Variants in ZBTB41 observed in about 807,000 individuals in gnomAD.
ZBTB41 encodes zinc finger and BTB domain containing 41.
ZBTB41 carries 42 observed loss-of-function variants against 87.6 expected under a neutral mutation model. The observed-to-expected ratio is 0.48, with a 90% CI of 0.37 to 0.62. The LOEUF (loss-of-function observed/expected upper bound fraction) is 0.62. Among genes scored for constraint, ZBTB41 ranks in the 20% least tolerant of loss-of-function variants. The pLI is 0.00. For synonymous variants in ZBTB41, 364 were observed against 364.0 expected, an observed-to-expected ratio of 1.00 and a Z score of 0.00; for missense variants, 799 against 1,078.9, an observed-to-expected ratio of 0.74 and a Z score of 3.63.
intron 10 of ZBTB41, among the ~76,000 whole-genome samples, chr1:197,170,736 C>G (rs975112436): frequency 2.0e-5 from 3 of 152,124 alleles, no homozygotes; most frequent in African/African-American, 4.8e-5. Context: ...AGGCATGCTT[C>G]ATCTGTTTAC....
At chr1:197,180,850 T>G in intron 6 of ZBTB41, 138 bp downstream of exon 6, 1 of 973,016 alleles carries the variant, frequency 1.0e-6, no homozygotes, top group Non-Finnish European at 1.4e-6. Flanking sequence ...TGTAATTCCT[T>G]TTTTCCTTAT....
Position 197,191,757 on chromosome 1 carries a change from C to T in ZBTB41, c.1263G>A (p.Glu421=), listed in dbSNP as rs752381736. ...GTTTATTACAATAAGGGCACTTGTG[C>T]TCCTTCTTATGAAATTCTGTTTCAT... is the stretch of plus-strand genomic sequence containing the variant. ...HSNETEFHKK[E]HKCPYCNKLH... is the part of the protein sequence containing the mutation. The change falls in exon 3 of 11, where the codon GAG becomes GAA. Residue 421 remains glutamate (E), a synonymous_variant. Transcript: ENST00000367405. The T allele has an allele frequency of 6.2e-7, 1 of 1,613,768 alleles. No homozygotes were observed. Among genetic ancestry groups the T allele is most frequent in the East Asian group, 2.2e-5 (1 of 44,858 alleles).
intron 5 of ZBTB41, among the ~76,000 whole-genome samples, chr1:197,182,456 C>T (rs1659769322): frequency 6.6e-6 from 1 of 151,146 alleles, no homozygotes; most frequent in Admixed American, 6.6e-5. Context: ...TTTATTTTTT[C>T]TATATAGACA....
chr1:197,181,573 G>T (rs547686231), intron 5 of ZBTB41, among the ~76,000 whole-genome samples: 199 of 152,206 alleles, frequency 1.3e-3, no homozygotes, highest in African/African-American at 4.6e-3. Flanking sequence ...ATTTCACTAT[G>T]ATTTTACCAA....
intron 10 of ZBTB41, among the ~76,000 whole-genome samples, chr1:197,162,754 T>C (rs759861274): frequency 3.3e-5 from 5 of 152,222 alleles, no homozygotes; most frequent in Non-Finnish European, 5.9e-5. Context: ...AGTATAGAGG[T>C]GCTTTCTTTT....
intron 10 of ZBTB41, among the ~76,000 whole-genome samples, chr1:197,163,248 G>A (rs4350226): frequency 0.81 from 123,096 of 152,084 alleles, 51,749 homozygotes; most frequent in East Asian, 1. Flanking sequence ...CATCTTCAAG[G>A]GCTTCTGTAA....
intron 10 of ZBTB41, among the ~76,000 whole-genome samples, chr1:197,168,852 C>T (rs1366451054): frequency 2.6e-5 from 4 of 151,734 alleles, no homozygotes; most frequent in Admixed American, 6.6e-5. Flanking sequence ...TATATATATC[C>T]GGAATGTAGA....
At chr1:197,169,710 A>G (rs540284444) in intron 10 of ZBTB41, among the ~76,000 whole-genome samples, 51 of 152,052 alleles carry the variant, frequency 3.4e-4, no homozygotes, top group Non-Finnish European at 7.2e-4. Context: ...CTTCAATAAA[A>G]AAAAGCTTAC....
chr1:197,166,706 G>T (rs1369258687), intron 10 of ZBTB41, among the ~76,000 whole-genome samples: 3 of 151,878 alleles, frequency 2.0e-5, no homozygotes, highest in African/African-American at 7.3e-5. Flanking sequence ...AATTAGCCGG[G>T]TGTGGAGGCT....
chr1:197,167,561 A>C (rs1239217915), intron 10 of ZBTB41, among the ~76,000 whole-genome samples: 2 of 152,208 alleles, frequency 1.3e-5, no homozygotes, highest in African/African-American at 2.4e-5. Flanking sequence ...ATATATCATT[A>C]GCAAGATACT....
chr1:197,188,395 A>G lies in ZBTB41; in HGVS notation c.1443T>C (p.His481=), dbSNP rs1464879135. Residue 481 remains histidine, a synonymous_variant, in exon 5 of 11, where the codon CAT becomes CAC. Transcript: ENST00000367405. The part of the protein sequence containing the change: ...SFTRRPHLEE[H]MILHSQDKPF... Reference sequence around the variant, plus strand: ...GTTTATCTTGAGAATGTAGAATCATATGTTCCTCCAAGTGTGGTCTTCGAG... The same window carrying G: ...GTTTATCTTGAGAATGTAGAATCATGTGTTCCTCCAAGTGTGGTCTTCGAG... 1.9e-6 allele frequency: 3 copies of G among 1,613,434 alleles called. No individual in the cohort carries two copies. Among genetic ancestry groups the G allele is most frequent in the Admixed American group, 3.3e-5 (2 of 59,886 alleles).
rs1659012230 is a variant in ZBTB41, at chr1:197,154,283, A to G, written c.*5076T>C. Reference sequence around the variant, plus strand: ...TCCAACAGCAATGCAAGCATTGATTACTTTTCTTTACCTAAGAATTTGACC... The same window carrying G: ...TCCAACAGCAATGCAAGCATTGATTGCTTTTCTTTACCTAAGAATTTGACC... On this transcript the variant is annotated 3_prime_UTR_variant, in exon 11 of 11. Coordinates refer to ENST00000367405, the MANE Select transcript of ZBTB41 (RefSeq NM_194314.3). The G allele has an allele frequency of 6.6e-6, 1 of 152,478 alleles. No individual in the cohort carries two copies. The highest frequency in any genetic ancestry group is 6.6e-5 in the Admixed American group (1 of 15,260). The allele number at this position is 152,478 out of a possible 1,614,324, so 9.4% of individuals were successfully genotyped here.
chr1:197,179,531 A>G (rs1250269551), intron 6 of ZBTB41, among the ~76,000 whole-genome samples: 1 of 151,974 alleles, frequency 6.6e-6, no homozygotes, highest in East Asian at 1.9e-4. Context: ...TTAAAAAAAA[A>G]AGAAAACTAA....
At chr1:197,168,802 A>G (rs566484219) in intron 10 of ZBTB41, among the ~76,000 whole-genome samples, 1 of 152,262 alleles carries the variant, frequency 6.6e-6, no homozygotes, top group African/African-American at 2.4e-5. Flanking sequence ...GACATCATTA[A>G]GAGTGAAAAG....
rs141242439 is a variant in ZBTB41 at position 197,177,446 on chromosome 1, T to C, written c.1773-776A>G. On this transcript the variant is annotated intron_variant, in intron 7 of 10. Coordinates refer to ENST00000367405, the MANE Select transcript of ZBTB41 (RefSeq NM_194314.3). ...TCTTTGTAAGTTACCCAGTCTCAAG[T>C]ATGTCTTTATAGCAGTGTGAAAACA... 5.4e-4 allele frequency among the ~76,000 whole-genome samples: 82 copies of C among 152,224 alleles called. 1 individual carries two copies. The highest frequency in any genetic ancestry group is 1.9e-3 in the African/African-American group (79 of 41,554).
chr1:197,190,620 A>G (rs900346311), intron 4 of ZBTB41, 142 bp downstream of exon 4: 2 of 546,592 alleles, frequency 3.7e-6, no homozygotes, highest in African/African-American at 4.0e-5. Context: ...TACAAAATAT[A>G]TTAGAATAAT....
intron 10 of ZBTB41, among the ~76,000 whole-genome samples, chr1:197,165,464 GC>G (rs1416250603): frequency 1.1e-4 from 16 of 152,086 alleles, no homozygotes; most frequent in African/African-American, 3.9e-4. Flanking sequence ...AAAAAAATTA[GC>G]CGGGCATGGT....
rs1571642556 is a variant in ZBTB41, at chr1:197,159,302, A to G, written c.*57T>C. On this transcript the variant is annotated 3_prime_UTR_variant, in exon 11 of 11. Coordinates refer to ENST00000367405, the MANE Select transcript of ZBTB41 (RefSeq NM_194314.3). The stretch of plus-strand genomic sequence containing the variant: ...TAGCAGCCCCACAAATTTAAAAGCT[A>G]TCATCTCTACCATTAGCATATAACC... 3.9e-6 allele frequency: 6 copies of G among 1,534,740 alleles called. No homozygotes were observed. The highest frequency in any genetic ancestry group is 4.5e-5 in the East Asian group (2 of 44,180).
At chr1:197,195,021 G>C (rs781645339) in intron 2 of ZBTB41, among the ~76,000 whole-genome samples, 4 of 152,076 alleles carry the variant, frequency 2.6e-5, no homozygotes, top group Admixed American at 1.3e-4. Context: ...TTTTGCCAGG[G>C]GGAGGGCACT....
Sources: gnomAD v4.1 joint callset for allele counts (sites outside exome capture counted in the v4.1 genomes callset) on GRCh38, gnomAD v4.1.1 for gene constraint, MANE v1.5 for transcripts, NCBI Gene and HGNC (gene_info 2026-07-23, HGNC 2026-07-21) for gene names.